Variants in NRG3 observed in about 807,000 individuals in gnomAD.
The protein encoded by NRG3 is pro-neuregulin-3, membrane-bound isoform.
Under a neutral mutation model 66.9 loss-of-function variants are expected in NRG3, and 31 were observed. That is an observed-to-expected ratio of 0.46 (90% CI 0.35 to 0.63). The LOEUF (loss-of-function observed/expected upper bound fraction) is 0.63. Ranked by LOEUF, NRG3 falls within the 20% of genes least tolerant of loss-of-function variation. The pLI is 0.00. For synonymous variants in NRG3, 393 were observed against 359.4 expected (o/e 1.09, Z -1.06); for missense variants, 910 against 878.9 (o/e 1.04, Z -0.45).
chr10:82,767,660 T>A (rs2059565823), intron 3 of NRG3, among the ~76,000 whole-genome samples: 1 of 152,074 alleles, frequency 6.6e-6, no homozygotes, highest in South Asian at 2.1e-4. Flanking sequence ...TCTTTGTCCA[T>A]TTCTTTTATT....
In NRG3 at chr10:82,979,060, C is replaced by CACCT; in HGVS notation, c.1524_1525insCCTA (p.Ala509ProfsTer49). The CACCT allele has an allele frequency of 2.5e-6, 4 of 1,614,090 alleles. No homozygotes were observed. The highest frequency in any genetic ancestry group is 3.4e-6 in the Non-Finnish European group (4 of 1,179,984). ...AGTAGGCTAGGTGGAATTGTGGGACCAGCATATCAGCAACTCGAAGAATCA... is the reference window on the plus strand; with the variant it reads ...AGTAGGCTAGGTGGAATTGTGGGACCACCTAGCATATCAGCAACTCGAAGAATCA... On this transcript the variant is annotated frameshift_variant, in exon 8 of 9. Coordinates refer to ENST00000372141, the MANE Select transcript of NRG3 (RefSeq NM_001010848.4). LOFTEE classifies it high-confidence loss of function.
intron 1 of NRG3, among the ~76,000 whole-genome samples, chr10:82,061,033 G>A (rs1218279346): frequency 1.3e-5 from 2 of 152,188 alleles, no homozygotes; most frequent in Non-Finnish European, 2.9e-5. Flanking sequence ...AACCCAAGTT[G>A]TATTGTTTTG....
intron 2 of NRG3, among the ~76,000 whole-genome samples, chr10:82,605,065 A>T (rs1190196339): frequency 6.6e-6 from 1 of 151,980 alleles, no homozygotes; most frequent in East Asian, 1.9e-4. Flanking sequence ...ATTAACTAGG[A>T]CCAGTACATT....
chr10:82,470,920 C>G (rs1014985006), intron 2 of NRG3, among the ~76,000 whole-genome samples: 2 of 152,178 alleles, frequency 1.3e-5, no homozygotes, highest in Admixed American at 1.3e-4. Context: ...CCCCATTCCC[C>G]AGTCTGCTGT....
intron 2 of NRG3, among the ~76,000 whole-genome samples, chr10:82,361,265 T>G (rs2084121244): frequency 6.6e-6 from 1 of 152,218 alleles, no homozygotes; most frequent in African/African-American, 2.4e-5. Flanking sequence ...CTTGCATATT[T>G]CAGTACAGAC....
intron 2 of NRG3, among the ~76,000 whole-genome samples, chr10:82,517,693 G>C (rs973734485): frequency 6.6e-6 from 1 of 150,926 alleles, no homozygotes; most frequent in South Asian, 2.1e-4. Flanking sequence ...GTGTGTGTGT[G>C]TGTCTGTATG....
chr10:82,264,425 G>T (rs557286251), intron 1 of NRG3, among the ~76,000 whole-genome samples: 24 of 148,182 alleles, frequency 1.6e-4, no homozygotes, highest in African/African-American at 5.9e-4. Context: ...CGCCCCGCCC[G>T]ATTCAATTAT....
chr10:82,626,835 C>T (rs2049458504), intron 2 of NRG3, among the ~76,000 whole-genome samples: 1 of 151,994 alleles, frequency 6.6e-6, no homozygotes, highest in Non-Finnish European at 1.5e-5. Context: ...CTGGTTCTGC[C>T]AATACTGAGT....
At chr10:81,966,373 C>T (rs113559251) in intron 1 of NRG3, among the ~76,000 whole-genome samples, 2,448 of 151,262 alleles carry the variant, frequency 0.016, 29 homozygotes, top group Middle Eastern at 0.035. Context: ...AAAAATGGCC[C>T]ACCTTTCACT....
chr10:82,388,637 TC>T (rs2086163965), intron 2 of NRG3, among the ~76,000 whole-genome samples: 1 of 152,174 alleles, frequency 6.6e-6, no homozygotes, highest in Admixed American at 6.5e-5. Context: ...AGTGCAGAAA[TC>T]ATATCAGTGG....
chr10:81,986,177 G>T (rs960433517), intron 1 of NRG3, among the ~76,000 whole-genome samples: 12 of 152,088 alleles, frequency 7.9e-5, no homozygotes, highest in African/African-American at 2.7e-4. Flanking sequence ...ATGAATAAAA[G>T]TATTGAGATT....
chr10:82,163,711 G>T (rs1367464418), intron 1 of NRG3, among the ~76,000 whole-genome samples: 2 of 152,150 alleles, frequency 1.3e-5, no homozygotes, highest in African/African-American at 4.8e-5. Context: ...GAACATGGTT[G>T]TCCTGATTGA....
intron 2 of NRG3, among the ~76,000 whole-genome samples, chr10:82,496,007 C>A (rs985055255): frequency 6.6e-6 from 1 of 152,102 alleles, no homozygotes; most frequent in African/African-American, 2.4e-5. Context: ...CATTTATTGA[C>A]GTTCATAAAG....
At chr10:81,984,771 A>G (rs1479487155) in intron 1 of NRG3, among the ~76,000 whole-genome samples, 1 of 152,222 alleles carries the variant, frequency 6.6e-6, no homozygotes, top group Non-Finnish European at 1.5e-5. Flanking sequence ...AGATAGATGC[A>G]TTCCAGGGCA....
intron 1 of NRG3, among the ~76,000 whole-genome samples, chr10:81,920,650 A>T (rs116231579): frequency 1.3e-5 from 2 of 152,230 alleles, no homozygotes; most frequent in African/African-American, 4.8e-5. Context: ...AACCCCAGAA[A>T]GCTAATGCTT....
At chr10:82,595,764 A>G (rs1590810264) in intron 2 of NRG3, among the ~76,000 whole-genome samples, 1 of 151,824 alleles carries the variant, frequency 6.6e-6, no homozygotes, top group Admixed American at 6.6e-5. Flanking sequence ...CAGTCTGGTG[A>G]CAGAGTGAGA....
chr10:82,214,387 G>A (rs1005186691), intron 1 of NRG3, among the ~76,000 whole-genome samples: 1 of 152,100 alleles, frequency 6.6e-6, no homozygotes, highest in African/African-American at 2.4e-5. Context: ...GTTCCAGTCT[G>A]TCCTACAGTA....
intron 1 of NRG3, among the ~76,000 whole-genome samples, chr10:82,262,765 A>C (rs923000259): frequency 2.0e-5 from 3 of 152,184 alleles, no homozygotes; most frequent in African/African-American, 7.2e-5. Flanking sequence ...TGTGCCTTCT[A>C]TATGTGATCT....
At chr10:81,990,543 A>G (rs1017144821) in intron 1 of NRG3, among the ~76,000 whole-genome samples, 1 of 152,170 alleles carries the variant, frequency 6.6e-6, no homozygotes, top group African/African-American at 2.4e-5. Context: ...TTTGCCATCT[A>G]ACCATAAGAT....
Sources: allele counts gnomAD v4.1 joint callset (sites outside exome capture counted in the v4.1 genomes callset), GRCh38; gene constraint gnomAD v4.1.1; transcripts MANE v1.5; gene names NCBI Gene and HGNC (gene_info 2026-07-23, HGNC 2026-07-21).